SLC2A9: variants seen among roughly 807,000 people sequenced by gnomAD.
SLC2A9 encodes solute carrier family 2 member 9, also known as solute carrier family 2, facilitated glucose transporter member 9.
Under a neutral mutation model 50.6 loss-of-function variants are expected in SLC2A9, and 39 were observed. The observed-to-expected ratio is 0.77, with a 90% CI of 0.60 to 1.01. SLC2A9 has a LOEUF of 1.01. Ranked by LOEUF, SLC2A9 falls within the 50% of genes least tolerant of loss-of-function variation. The pLI, the probability that SLC2A9 is intolerant of heterozygous loss-of-function variation, is 0.00. For missense variants in SLC2A9, 686 were observed against 677.6 expected, an observed-to-expected ratio of 1.01 and a Z score of -0.14; for synonymous variants, 324 against 276.9, an observed-to-expected ratio of 1.17 and a Z score of -1.69.
chr4:9,854,526 T>C (rs986369099), intron 10 of SLC2A9, among the ~76,000 whole-genome samples: 1 of 152,144 alleles, frequency 6.6e-6, no homozygotes, highest in Non-Finnish European at 1.5e-5. Flanking sequence ...TTCTACCAGA[T>C]GCATAAAGAA....
Position 9,887,552 on chromosome 4 carries a change from G to C in SLC2A9, c.1291+15C>G, listed in dbSNP as rs777937947. 6.4e-7 allele frequency: 1 copy of C among 1,553,286 alleles called. No homozygotes were observed. Among genetic ancestry groups the C allele is most frequent in the South Asian group, 1.2e-5 (1 of 82,836 alleles). Reference sequence around the variant, plus strand: ...AGTCCCTGGGCGGGGCAGTGGGGAGGGTGGGGTGCCTTACCTGGCCCACTG... The same window carrying C: ...AGTCCCTGGGCGGGGCAGTGGGGAGCGTGGGGTGCCTTACCTGGCCCACTG... On this transcript the variant is annotated intron_variant, in intron 10 of 11. Transcript: ENST00000264784.
At chr4:9,783,296 C>T (rs557760549) in intron 3 of SLC2A9, 3 of 1,614,208 alleles carry the variant, frequency 1.9e-6, no homozygotes, top group East Asian at 2.2e-5. Context: ...CCCCGGCAAC[C>T]GGGAGGTGGA....
intron 11 of SLC2A9, among the ~76,000 whole-genome samples, chr4:9,833,423 G>A (rs1726511755): frequency 6.6e-6 from 1 of 152,212 alleles, no homozygotes; most frequent in Admixed American, 6.5e-5. Flanking sequence ...GAGAAACTGG[G>A]TTTGATGCTG....
intron 5 of SLC2A9, among the ~76,000 whole-genome samples, chr4:9,949,482 AT>A: frequency 6.6e-6 from 1 of 152,332 alleles, no homozygotes; most frequent in Non-Finnish European, 1.5e-5. Flanking sequence ...TATTATTATA[AT>A]TTCTAGTCCA....
At chr4:9,859,714 T>C (rs1046057912) in intron 10 of SLC2A9, among the ~76,000 whole-genome samples, 1 of 152,366 alleles carries the variant, frequency 6.6e-6, no homozygotes, top group Admixed American at 6.5e-5. Flanking sequence ...AAAAGTGAGC[T>C]TATTTTTCTT....
At chr4:10,039,658 C>T (rs947095163) in intron 1 of SLC2A9, among the ~76,000 whole-genome samples, 1 of 152,180 alleles carries the variant, frequency 6.6e-6, no homozygotes, top group African/African-American at 2.4e-5. Context: ...CCACTGTCAT[C>T]CTCCTGGTCC....
rs1476606209 is a variant in SLC2A9, at chr4:9,826,320, G to A, written c.*77C>T. 1 of 1,479,206 alleles carries A rather than the reference G, an allele frequency of 6.8e-7. No homozygotes were observed. The highest frequency in any genetic ancestry group is 9.5e-7 in the Non-Finnish European group (1 of 1,058,198). The allele number at this position is 1,479,206 out of a possible 1,614,324, so 91.6% of individuals were successfully genotyped here. A position where few individuals can be genotyped will look rare whatever the true frequency, so the allele number is the denominator to read the frequency against. On this transcript the variant is annotated 3_prime_UTR_variant, in exon 12 of 12. Coordinates refer to ENST00000264784, the MANE Select transcript of SLC2A9 (RefSeq NM_020041.3). Reference sequence around the variant, plus strand: ...CTTCCCAATAATGGGTAAATTTTAAGTTTCCTGAAAAGTGAGATCATCCAT... The same window carrying A: ...CTTCCCAATAATGGGTAAATTTTAAATTTCCTGAAAAGTGAGATCATCCAT...
chr4:9,946,302 T>A (rs1431000222), intron 5 of SLC2A9, among the ~76,000 whole-genome samples: 1 of 152,200 alleles, frequency 6.6e-6, no homozygotes, highest in Non-Finnish European at 1.5e-5. Flanking sequence ...GACTTCCAGG[T>A]CATATTTCCC....
chr4:9,791,770 T>C (rs1312457563), intron 3 of SLC2A9, among the ~76,000 whole-genome samples: 5 of 152,122 alleles, frequency 3.3e-5, no homozygotes, highest in Non-Finnish European at 7.4e-5. Context: ...GATGAGACCA[T>C]AGCCTTATAT....
chr4:9,935,183 T>C (rs1577967841), intron 6 of SLC2A9, among the ~76,000 whole-genome samples: 2 of 152,358 alleles, frequency 1.3e-5, no homozygotes, highest in Middle Eastern at 6.8e-3. Context: ...AGTAATGGGA[T>C]TGCTGGGTCA....
intron 7 of SLC2A9, among the ~76,000 whole-genome samples, chr4:9,915,164 T>C (rs530820422): frequency 1.3e-5 from 2 of 152,310 alleles, no homozygotes; most frequent in South Asian, 4.1e-4. Flanking sequence ...GCCTCCCTGG[T>C]GGTCTCAGTG....
At chr4:9,849,999 G>C (rs923235438) in intron 10 of SLC2A9, among the ~76,000 whole-genome samples, 7 of 152,028 alleles carry the variant, frequency 4.6e-5, no homozygotes, top group Non-Finnish European at 1.0e-4. Context: ...CTCCCACCGA[G>C]AGACCGGGAC....
At chr4:9,807,654 A>T (rs2108971182) in intron 3 of SLC2A9, among the ~76,000 whole-genome samples, 1 of 152,344 alleles carries the variant, frequency 6.6e-6, no homozygotes, top group South Asian at 2.1e-4. Context: ...AAACTCAAGT[A>T]ACTGATTTGC....
chr4:10,028,452 G>A (rs6820616), intron 1 of SLC2A9, among the ~76,000 whole-genome samples: 15,576 of 152,096 alleles, frequency 0.1, 1,387 homozygotes, highest in East Asian at 0.46. Flanking sequence ...TCCAACCCTG[G>A]GTCTGCCCCC....
chr4:9,901,665 G>A (rs1192714033), intron 8 of SLC2A9, among the ~76,000 whole-genome samples: 1 of 151,576 alleles, frequency 6.6e-6, no homozygotes, highest in Non-Finnish European at 1.5e-5. Context: ...ATCCCCTCAA[G>A]CCCCATGCCC....
At chr4:9,984,764 G>A (rs772458292) in intron 4 of SLC2A9, among the ~76,000 whole-genome samples, 2 of 152,090 alleles carry the variant, frequency 1.3e-5, no homozygotes, top group Non-Finnish European at 2.9e-5. Context: ...CCCTTCCCCT[G>A]AACAGCTGGC....
intron 3 of SLC2A9, among the ~76,000 whole-genome samples, chr4:9,814,419 T>TA (rs367647381): frequency 2.0e-5 from 3 of 152,208 alleles, no homozygotes; most frequent in Non-Finnish European, 4.4e-5. Context: ...CAAGAAGTGC[T>TA]AAAAAACTCA....
intron 10 of SLC2A9, among the ~76,000 whole-genome samples, chr4:9,851,726 C>A (rs6832792): frequency 0.088 from 13,157 of 150,294 alleles, 1,193 homozygotes; most frequent in East Asian, 0.25. Context: ...TAAGAAAAAA[C>A]CAAACTTATC....
chr4:9,890,564 AG>A (rs1737189497), intron 9 of SLC2A9, 45 bp downstream of exon 9: 4 of 1,572,864 alleles, frequency 2.5e-6, no homozygotes, highest in Non-Finnish European at 3.5e-6. Context: ...GCCAGAAGTC[AG>A]CTCCATGCTT....
Sources: gnomAD v4.1 joint callset for allele counts (sites outside exome capture counted in the v4.1 genomes callset) on GRCh38, gnomAD v4.1.1 for gene constraint, MANE v1.5 for transcripts, NCBI Gene and HGNC (gene_info 2026-07-23, HGNC 2026-07-21) for gene names.